The following PPARGC1A variants were observed in gnomAD, a reference collection of about 807,000 sequenced individuals.
PPARGC1A encodes the protein peroxisome proliferator-activated receptor gamma coactivator 1-alpha.
Under a neutral mutation model 88.7 loss-of-function variants are expected in PPARGC1A, and 25 were observed. The observed-to-expected ratio is 0.28, with a 90% CI of 0.21 to 0.39. The LOEUF is 0.39. PPARGC1A is among the 10% of genes least tolerant of loss of function. PPARGC1A has a pLI of 1.00. For synonymous variants in PPARGC1A, 363 were observed against 355.6 expected, an observed-to-expected ratio of 1.02 and a Z score of -0.24; for missense variants, 880 against 968.7, an observed-to-expected ratio of 0.91 and a Z score of 1.22.
chr4:24,022,958 C>T, the PPARGC1A span, among the ~76,000 whole-genome samples: 1 of 152,154 alleles, frequency 6.6e-6, no homozygotes, highest in Non-Finnish European at 1.5e-5. Context: ...TGTGCCTTAA[C>T]CTCTAGGAGC....
chr4:24,276,388 A>G, the PPARGC1A span, among the ~76,000 whole-genome samples: 4 of 152,162 alleles, frequency 2.6e-5, no homozygotes, highest in African/African-American at 9.7e-5. Flanking sequence ...GGTGACTTCC[A>G]TTCCTACACA....
chr4:24,452,713 C>T, the PPARGC1A span, among the ~76,000 whole-genome samples: 1 of 152,194 alleles, frequency 6.6e-6, no homozygotes. Flanking sequence ...GTGCTGGAAA[C>T]ACAAGGATAA....
intron 2 of PPARGC1A, among the ~76,000 whole-genome samples, chr4:23,858,911 A>C (rs1242529100): frequency 1.3e-5 from 2 of 149,432 alleles, no homozygotes; most frequent in African/African-American, 2.4e-5. Context: ...ATATATACTT[A>C]TATAAATATA....
At chr4:24,472,711 C>A in the PPARGC1A span, among the ~76,000 whole-genome samples, 1 of 151,520 alleles carries the variant, frequency 6.6e-6, no homozygotes, top group Admixed American at 6.6e-5. The surrounding 1 kb of genome is among the most constrained non-coding windows in gnomAD (Gnocchi z 4.5). Context: ...CAAGACGGTA[C>A]CTAGATAGGT....
chr4:24,103,460 C>G, the PPARGC1A span, among the ~76,000 whole-genome samples: 3,547 of 152,126 alleles, frequency 0.023, 146 homozygotes, highest in African/African-American at 0.075. Context: ...AAAGAGCACC[C>G]AGGACAGAGA....
At chr4:24,323,646 C>T in the PPARGC1A span, among the ~76,000 whole-genome samples, 15 of 152,346 alleles carry the variant, frequency 9.8e-5, no homozygotes, top group Non-Finnish European at 1.5e-4. Flanking sequence ...CGCCTGCACC[C>T]AGGTGAAATA....
chr4:24,332,677 C>G, the PPARGC1A span, among the ~76,000 whole-genome samples: 1 of 152,000 alleles, frequency 6.6e-6, no homozygotes. Flanking sequence ...TTTTCAACAA[C>G]AAAGTTGAAA....
At chr4:24,129,205 G>T in the PPARGC1A span, among the ~76,000 whole-genome samples, 1 of 152,058 alleles carries the variant, frequency 6.6e-6, no homozygotes, top group Non-Finnish European at 1.5e-5. Flanking sequence ...GCTGGGAGCC[G>T]GAATATTTCA....
the PPARGC1A span, among the ~76,000 whole-genome samples, chr4:24,184,814 C>A: frequency 2.0e-5 from 3 of 152,100 alleles, no homozygotes; most frequent in African/African-American, 7.2e-5. Flanking sequence ...GGTCAAGAAA[C>A]AGCTTTCTTC....
the PPARGC1A span, among the ~76,000 whole-genome samples, chr4:24,404,880 C>G: frequency 6.6e-6 from 1 of 152,188 alleles, no homozygotes; most frequent in East Asian, 1.9e-4. Context: ...TTTTTCCCTC[C>G]TGAGTAATAT....
At chr4:24,382,826 C>T in the PPARGC1A span, among the ~76,000 whole-genome samples, 4 of 152,204 alleles carry the variant, frequency 2.6e-5, no homozygotes, top group Admixed American at 6.5e-5. Context: ...CAGACTTAAA[C>T]GTTCCTGCTG....
At chr4:24,302,017 G>T in the PPARGC1A span, among the ~76,000 whole-genome samples, 2 of 152,108 alleles carry the variant, frequency 1.3e-5, no homozygotes, top group Non-Finnish European at 2.9e-5. Context: ...TGCATGAGGG[G>T]CAGCCACCTC....
At chr4:23,893,545 A>G (rs1035876523), upstream of PPARGC1A, among the ~76,000 whole-genome samples, 6 of 152,306 alleles carry the variant, frequency 3.9e-5, no homozygotes, top group African/African-American at 1.4e-4. Context: ...CAGATCATAC[A>G]TATTATAAGA....
At chr4:23,904,465 T>A (rs16874317), upstream of PPARGC1A, among the ~76,000 whole-genome samples, 6,581 of 152,294 alleles carry the variant, frequency 0.043, 249 homozygotes, top group East Asian at 0.15. Context: ...TCCATGCCCA[T>A]AACTGACTGA....
At chr4:24,028,660 T>C in the PPARGC1A span, among the ~76,000 whole-genome samples, 1 of 152,144 alleles carries the variant, frequency 6.6e-6, no homozygotes. Context: ...CCTGTAGCCA[T>C]AGAAAGTTAT....
the PPARGC1A span, among the ~76,000 whole-genome samples, chr4:24,249,242 G>A: frequency 1.3e-5 from 2 of 151,454 alleles, no homozygotes; most frequent in Non-Finnish European, 2.9e-5. Flanking sequence ...ATACAGGAAA[G>A]AAAAATAGCT....
At chr4:24,060,366 A>G in the PPARGC1A span, among the ~76,000 whole-genome samples, 1 of 152,378 alleles carries the variant, frequency 6.6e-6, no homozygotes, top group East Asian at 1.9e-4. Flanking sequence ...GCTTACTGCA[A>G]TAATACCCAT....
At chr4:24,043,065 C>T in the PPARGC1A span, among the ~76,000 whole-genome samples, 1 of 152,150 alleles carries the variant, frequency 6.6e-6, no homozygotes, top group African/African-American at 2.4e-5. Context: ...ATTTTGTAGG[C>T]AGCTATTTGG....
At chr4:24,012,921 C>T in the PPARGC1A span, among the ~76,000 whole-genome samples, 1 of 152,122 alleles carries the variant, frequency 6.6e-6, no homozygotes, top group South Asian at 2.1e-4. Context: ...GAAGCAGCCA[C>T]CCATCATCCT....
Sources: gnomAD v4.1 joint callset for allele counts (sites outside exome capture counted in the v4.1 genomes callset) on GRCh38, gnomAD v4.1.1 for gene constraint, Gnocchi (gnomAD v3.1) non-coding constraint, MANE v1.5 for transcripts, NCBI Gene and HGNC (gene_info 2026-07-23, HGNC 2026-07-21) for gene names.